Variants in LRCH1 observed in about 807,000 individuals in gnomAD.
LRCH1 encodes leucine-rich repeat and calponin homology domain-containing protein 1.
In LRCH1, 23 loss-of-function variants were observed where a neutral mutation model predicts 94.9. The ratio of observed to expected loss-of-function variants is 0.24; its 90% CI spans 0.17 to 0.34. LRCH1 has a LOEUF of 0.34. Among genes scored for constraint, LRCH1 ranks in the 10% least tolerant of loss-of-function variants. LRCH1 has a pLI of 1.00. For synonymous variants in LRCH1, 364 were observed against 354.9 expected (o/e 1.03, Z -0.29); for missense variants, 790 against 945.9 (o/e 0.84, Z 2.16).
chr13:46,585,304 G>C (rs150156999), intron 1 of LRCH1, among the ~76,000 whole-genome samples: 1 of 152,128 alleles, frequency 6.6e-6, no homozygotes, highest in Non-Finnish European at 1.5e-5. Context: ...AGAGCCGGGC[G>C]TGGTGGCTCA....
chr13:46,628,305 T>G (rs984607783), intron 1 of LRCH1, among the ~76,000 whole-genome samples: 1 of 151,956 alleles, frequency 6.6e-6, no homozygotes, highest in African/African-American at 2.4e-5. Context: ...GACGTTTGCA[T>G]GAGATCATGC....
intron 1 of LRCH1, among the ~76,000 whole-genome samples, chr13:46,615,518 A>C (rs192788344): frequency 1.3e-5 from 2 of 151,210 alleles, no homozygotes; most frequent in African/African-American, 2.4e-5. Flanking sequence ...GGGGGAAAAA[A>C]CCTCCAAACC....
chr13:46,694,103 T>C lies in LRCH1; in HGVS notation c.1121-790T>C, dbSNP rs1475417918. On this transcript the variant is annotated intron_variant, in intron 8 of 19. Coordinates refer to ENST00000389797, the MANE Select transcript of LRCH1 (RefSeq NM_001164211.2). ...TTATTAATTCATATAAAGTTAGTAA[T>C]ATTATACACTGTAGGAGGTAGTATT... 2.6e-5 allele frequency among the ~76,000 whole-genome samples: 4 copies of C among 152,242 alleles called. No homozygotes were observed. The East Asian group carries it at 5.8e-4, about 22-fold the overall frequency.
At chr13:46,683,445 T>C (rs952647681) in intron 4 of LRCH1, among the ~76,000 whole-genome samples, 2 of 152,244 alleles carry the variant, frequency 1.3e-5, no homozygotes, top group African/African-American at 4.8e-5. Context: ...TTTGTCCTTG[T>C]ACAATCTCAT....
intron 2 of LRCH1, among the ~76,000 whole-genome samples, chr13:46,660,600 T>C (rs1428615921): frequency 2.6e-5 from 4 of 152,098 alleles, no homozygotes; most frequent in Admixed American, 6.5e-5. Context: ...TCGACTTCTT[T>C]TCAGTATTTG....
intron 1 of LRCH1, among the ~76,000 whole-genome samples, chr13:46,645,801 A>G (rs1202581248): frequency 6.6e-6 from 1 of 152,226 alleles, no homozygotes; most frequent in Non-Finnish European, 1.5e-5. Flanking sequence ...TTGCTTAAAG[A>G]AACATTGGTG....
Position 46,685,016 on chromosome 13 carries a change from G to A in LRCH1, c.686-889G>A, listed in dbSNP as rs78808812. Among the ~76,000 whole-genome samples the A allele has an allele frequency of 5.7e-3, 867 of 152,182 alleles. 9 individuals carry two copies. Among genetic ancestry groups the A allele is most frequent in the Non-Finnish European group, 5.8e-3 (393 of 68,014 alleles). ...CTTCTTTGTCTAATTCTTGCCCTTC[G>A]TCCACTTTAGAATTCCTTGAGTGTT... is the stretch of plus-strand genomic sequence containing the variant. On this transcript the variant is annotated intron_variant, in intron 4 of 19. Transcript: ENST00000389797.
At position 46,706,278 on chromosome 13, in the gene LRCH1, A is replaced by G. The variant is rs146314474; in HGVS notation, c.1527+974A>G. On this transcript the variant is annotated intron_variant, in intron 13 of 19. Transcript: ENST00000389797. ...CATTCATTACTGTAATTGGGATCAT[A>G]ATACTACCTATTGTAAAGATCGAAT... is the stretch of plus-strand genomic sequence containing the variant. 7.3e-3 allele frequency among the ~76,000 whole-genome samples: 1,117 copies of G among 152,346 alleles called. 9 individuals carry two copies. Among genetic ancestry groups the G allele is most frequent in the Non-Finnish European group, 0.013 (882 of 68,026 alleles).
intron 1 of LRCH1, among the ~76,000 whole-genome samples, chr13:46,609,449 C>T (rs1235149725): frequency 1.3e-5 from 2 of 151,882 alleles, no homozygotes; most frequent in African/African-American, 2.4e-5. Context: ...ATGCTGGCAA[C>T]GAGGGCACAA....
In LRCH1 at chr13:46,602,372, T is replaced by C. The variant is rs551190863; in HGVS notation, c.308-47829T>C. Among the ~76,000 whole-genome samples, 23 of 152,304 alleles carry C rather than the reference T, an allele frequency of 1.5e-4. No homozygotes were observed. The South Asian group carries it at 1.9e-3, about 12-fold the overall frequency. ...ATTACCACCCAGAACACGTGCTTAA[T>C]TGGGGACAGGTAATCCATTCAGGGT... is the stretch of plus-strand genomic sequence containing the variant. On this transcript the variant is annotated intron_variant, in intron 1 of 19. Coordinates refer to ENST00000389797, the MANE Select transcript of LRCH1 (RefSeq NM_001164211.2).
chr13:46,598,658 C>T (rs905343978), intron 1 of LRCH1, among the ~76,000 whole-genome samples: 1 of 151,254 alleles, frequency 6.6e-6, no homozygotes, highest in Non-Finnish European at 1.5e-5. Context: ...TTTTGCAAGG[C>T]TATTTGGTTA....
chr13:46,630,993 A>T (rs1425917761), intron 1 of LRCH1, among the ~76,000 whole-genome samples: 1 of 151,954 alleles, frequency 6.6e-6, no homozygotes, highest in Non-Finnish European at 1.5e-5. Flanking sequence ...TTGTCTGGAG[A>T]CCTCAAGATT....
chr13:46,651,490 G>A (rs1011961441), intron 2 of LRCH1, among the ~76,000 whole-genome samples: 1 of 151,792 alleles, frequency 6.6e-6, no homozygotes, highest in Non-Finnish European at 1.5e-5. Context: ...GTGGAACCCC[G>A]TCTCTACTAA....
At chr13:46,664,024 A>G (rs1452502182) in intron 2 of LRCH1, among the ~76,000 whole-genome samples, 1 of 152,240 alleles carries the variant, frequency 6.6e-6, no homozygotes, top group Non-Finnish European at 1.5e-5. Flanking sequence ...AGAAAATGTC[A>G]TTTATAGGAT....
intron 1 of LRCH1, among the ~76,000 whole-genome samples, chr13:46,643,818 A>G (rs891203609): frequency 1.1e-4 from 17 of 152,242 alleles, no homozygotes. Flanking sequence ...TGTAAGGTTA[A>G]TATAATCAGC....
intron 1 of LRCH1, among the ~76,000 whole-genome samples, chr13:46,618,525 A>G (rs1172234298): frequency 1.6e-4 from 25 of 152,248 alleles, no homozygotes. Context: ...TTGCATTGGT[A>G]TTTTTCCCTT....
intron 1 of LRCH1, among the ~76,000 whole-genome samples, chr13:46,558,426 C>G (rs528196336): frequency 1.3e-5 from 2 of 151,486 alleles, no homozygotes; most frequent in African/African-American, 2.4e-5. Context: ...AGGATGGTGC[C>G]AAGACGTGGA....
At chr13:46,673,277 C>T (rs1395864544) in intron 3 of LRCH1, among the ~76,000 whole-genome samples, 1 of 151,962 alleles carries the variant, frequency 6.6e-6, no homozygotes, top group Non-Finnish European at 1.5e-5. Flanking sequence ...CGTTCCCTGC[C>T]CCTGTGTATG....
intron 2 of LRCH1, among the ~76,000 whole-genome samples, chr13:46,664,342 G>A (rs1481119021): frequency 1.3e-5 from 2 of 152,176 alleles, no homozygotes; most frequent in Non-Finnish European, 2.9e-5. Context: ...AATGTCTATG[G>A]CGTAGTGACA....
Sources: gnomAD v4.1 joint callset for allele counts (sites outside exome capture counted in the v4.1 genomes callset) on GRCh38, gnomAD v4.1.1 for gene constraint, MANE v1.5 for transcripts, NCBI Gene and HGNC (gene_info 2026-07-23, HGNC 2026-07-21) for gene names.